ABCG1: variants seen among roughly 807,000 people sequenced by gnomAD.
The protein encoded by ABCG1 is ATP-binding cassette sub-family G member 1.
ABCG1 carries 29 observed loss-of-function variants against 69.2 expected under a neutral mutation model. The observed-to-expected ratio is 0.42, with a 90% CI of 0.31 to 0.57. ABCG1 has a LOEUF of 0.57. Among genes scored for constraint, ABCG1 ranks in the 20% least tolerant of loss-of-function variants. The pLI, the probability that ABCG1 is intolerant of heterozygous loss-of-function variation, is 0.15. For missense variants in ABCG1, 718 were observed against 898.1 expected (o/e 0.80, Z 2.56); for synonymous variants, 370 against 374.8 (o/e 0.99, Z 0.15).
rs973282826 is a variant in ABCG1, at chr21:42,259,568, T to C, written c.287-11502T>C. ...TGGGCCCTCAGGCTATGGAGGCAAA[T>C]CGAGTGGCATTGCCTCTGCGGAGCT... On this transcript the variant is annotated intron_variant, in intron 2 of 14. Coordinates refer to ENST00000398449, the MANE Select transcript of ABCG1 (RefSeq NM_016818.3). 29 of 1,492,162 alleles carry C rather than the reference T, an allele frequency of 1.9e-5. No individual in the cohort carries two copies. In the African/African-American group the frequency reaches 3.5e-4, roughly 18 times the overall value. 92.4% of individuals were successfully genotyped at this position (1,492,162 alleles called of 1,614,324 possible).
At chr21:42,271,293 T>G (rs200076670) in intron 3 of ABCG1, 106 bp downstream of exon 3, 1 of 689,968 alleles carries the variant, frequency 1.4e-6, no homozygotes, top group East Asian at 3.0e-5. Context: ...CAGGCTGTGG[T>G]CTACAGCAGT....
chr21:42,272,805 G>A (rs994310282), intron 3 of ABCG1, among the ~76,000 whole-genome samples: 1 of 152,216 alleles, frequency 6.6e-6, no homozygotes, highest in African/African-American at 2.4e-5. Flanking sequence ...CCATCCACTC[G>A]GCTGAGCTGG....
intron 14 of ABCG1, among the ~76,000 whole-genome samples, chr21:42,295,906 T>C (rs2069199156): frequency 6.6e-6 from 1 of 152,214 alleles, no homozygotes; most frequent in Admixed American, 6.5e-5. Flanking sequence ...CCAGTGAATA[T>C]GTACCGCTCA....
At chr21:42,222,184 G>A (rs1212365922) in intron 1 of ABCG1, among the ~76,000 whole-genome samples, 1 of 152,238 alleles carries the variant, frequency 6.6e-6, no homozygotes, top group East Asian at 1.9e-4. Flanking sequence ...GAAGATGCAT[G>A]TGTTTTAATT....
At chr21:42,217,114 C>T (rs190601990), upstream of ABCG1, among the ~76,000 whole-genome samples, 97 of 152,260 alleles carry the variant, frequency 6.4e-4, 1 homozygote, top group African/African-American at 2.0e-3. Flanking sequence ...CTTCCAGTTC[C>T]GGACCAGCCA....
At chr21:42,245,377 C>T (rs1033819001) in intron 2 of ABCG1, among the ~76,000 whole-genome samples, 6 of 152,168 alleles carry the variant, frequency 3.9e-5, no homozygotes, top group African/African-American at 7.2e-5. Context: ...CATTCTTCTC[C>T]AATTGGTTTT....
At chr21:42,231,686 G>A (rs2067903093) in intron 2 of ABCG1, among the ~76,000 whole-genome samples, 1 of 152,236 alleles carries the variant, frequency 6.6e-6, no homozygotes, top group East Asian at 1.9e-4. Context: ...GAACAGGGAG[G>A]GGAGGCAGCC....
chr21:42,296,611 A>G lies in ABCG1; in HGVS notation c.*219A>G, dbSNP rs914464199. ...TTTCTAGCTTTAACTAGGAAGATGTAGGCAGATTGGTGGTTTTTTTTTTTT... is the reference window on the plus strand; with the variant it reads ...TTTCTAGCTTTAACTAGGAAGATGTGGGCAGATTGGTGGTTTTTTTTTTTT... On this transcript the variant is annotated 3_prime_UTR_variant, in exon 15 of 15. Transcript: ENST00000398449. This position sits in a 1 kb window ranked among gnomAD's most constrained non-coding sequence, Gnocchi z 5.4. The G allele has an allele frequency of 2.0e-5, 11 of 542,804 alleles. No homozygotes were observed. Among genetic ancestry groups the G allele is most frequent in the Non-Finnish European group, 3.3e-5 (10 of 303,812 alleles). 33.6% of individuals were successfully genotyped at this position (542,804 alleles called of 1,614,324 possible). A position where few individuals can be genotyped will look rare whatever the true frequency, so the allele number is the denominator to read the frequency against.
At chr21:42,274,489 TTTG>T (rs1216957382) in intron 4 of ABCG1, among the ~76,000 whole-genome samples, 5 of 150,324 alleles carry the variant, frequency 3.3e-5, no homozygotes, top group Non-Finnish European at 5.9e-5. Context: ...TTTTTTTTTT[TTTG>T]GGGACAGAGT....
chr21:42,270,259 CAA>C (rs4006345), intron 2 of ABCG1, among the ~76,000 whole-genome samples: 78 of 87,174 alleles, frequency 8.9e-4, no homozygotes, highest in Middle Eastern at 6.4e-3. Context: ...GACTCAGTCT[CAA>C]AAAAAAAAAA....
intron 14 of ABCG1, 163 bp downstream of exon 14, chr21:42,294,823 CT>C (rs1216965644): frequency 7.8e-6 from 5 of 642,990 alleles, no homozygotes; most frequent in Non-Finnish European, 1.4e-5. Flanking sequence ...GTTCCACCTC[CT>C]CCTACCCTCA....
chr21:42,256,700 C>G, intron 2 of ABCG1: 2 of 1,432,196 alleles, frequency 1.4e-6, no homozygotes, highest in South Asian at 3.0e-5. Context: ...TCTCTGCATT[C>G]AGAGGGATCT....
rs572447434 is a variant in ABCG1 at position 42,250,524 on chromosome 21, G to C, written c.287-20546G>C. Among the ~76,000 whole-genome samples the C allele has an allele frequency of 5.3e-5, 8 of 152,320 alleles. No individual in the cohort carries two copies. The South Asian group carries it at 1.5e-3, about 28-fold the overall frequency. On this transcript the variant is annotated intron_variant, in intron 2 of 14. Coordinates refer to ENST00000398449, the MANE Select transcript of ABCG1 (RefSeq NM_016818.3). ...ACAGTCCAGCTAGCCTGTTGGAAGA[G>C]AGCCCTGAAAACAGGGCTGGGACCT... is the stretch of plus-strand genomic sequence containing the variant.
chr21:42,270,886 A>T (rs1422114164), intron 2 of ABCG1, among the ~76,000 whole-genome samples, 184 bp from the exon 3 acceptor site: 1 of 152,250 alleles, frequency 6.6e-6, no homozygotes, highest in Non-Finnish European at 1.5e-5. Context: ...GTGAAATGCA[A>T]TTGAAGACGT....
chr21:42,265,414 G>T (rs1486956106), intron 2 of ABCG1, among the ~76,000 whole-genome samples: 1 of 152,234 alleles, frequency 6.6e-6, no homozygotes, highest in Non-Finnish European at 1.5e-5. Context: ...GTGGGCCCCT[G>T]ATCTCATATG....
chr21:42,243,680 G>A (rs2068088263), intron 2 of ABCG1, among the ~76,000 whole-genome samples: 1 of 152,170 alleles, frequency 6.6e-6, no homozygotes, highest in Non-Finnish European at 1.5e-5. Context: ...GGATTGGCGT[G>A]AGAGTGGAGA....
At chr21:42,220,155 C>G (rs2067700895) in intron 1 of ABCG1, 1 of 959,858 alleles carries the variant, frequency 1.0e-6, no homozygotes, top group Non-Finnish European at 1.6e-6. Flanking sequence ...CTCACCTTAT[C>G]CTAGCGCCCT....
chr21:42,266,660 G>A (rs571908396), intron 2 of ABCG1, among the ~76,000 whole-genome samples: 5 of 152,078 alleles, frequency 3.3e-5, no homozygotes, highest in African/African-American at 9.7e-5. Context: ...CCACAGCCCC[G>A]GGCACTGCTA....
rs555034367 is a variant in ABCG1 at position 42,210,397 on chromosome 21, T to A, written c.48+8674T>A. On this transcript the variant is annotated intron_variant, in intron 2 of 15. Transcript: ENST00000398457. The stretch of plus-strand genomic sequence containing the variant: ...ATTTGTTATGGGTGTGATGGGAAGC[T>A]TTTAATTATTTGTGGGAAGGAGGCC... Among the ~76,000 whole-genome samples, 981 of 152,282 alleles carry A rather than the reference T, an allele frequency of 6.4e-3. 4 individuals are homozygous for A. Among genetic ancestry groups the A allele is most frequent in the Non-Finnish European group, 0.011 (745 of 68,014 alleles).
Sources: gnomAD v4.1 joint callset for allele counts (sites outside exome capture counted in the v4.1 genomes callset) on GRCh38, gnomAD v4.1.1 for gene constraint, Gnocchi (gnomAD v3.1) non-coding constraint, MANE v1.5 for transcripts, NCBI Gene and HGNC (gene_info 2026-07-23, HGNC 2026-07-21) for gene names.